Variants in ADGB observed in about 807,000 individuals in gnomAD.
ADGB encodes the protein calpain-7-like protein.
ADGB carries 172 observed loss-of-function variants against 210.5 expected under a neutral mutation model. The observed-to-expected ratio is 0.82, with a 90% CI of 0.72 to 0.93. The LOEUF (loss-of-function observed/expected upper bound fraction) is 0.93, where lower values mean the gene tolerates loss of function less well. Ranked by LOEUF, ADGB falls within the 40% of genes least tolerant of loss-of-function variation. ADGB has a pLI of 0.00. For missense variants in ADGB, 2,025 were observed against 1,964.8 expected, an observed-to-expected ratio of 1.03 and a Z score of -0.58; for synonymous variants, 658 against 662.7, an observed-to-expected ratio of 0.99 and a Z score of 0.11.
intron 27 of ADGB, among the ~76,000 whole-genome samples, chr6:146,753,984 CT>C (rs1777363899): frequency 6.6e-6 from 1 of 151,270 alleles, no homozygotes; most frequent in Non-Finnish European, 1.5e-5. Context: ...GGATTCATTT[CT>C]TTTTAAAAAA....
intron 22 of ADGB, among the ~76,000 whole-genome samples, chr6:146,734,679 G>C (rs939712592): frequency 6.6e-6 from 1 of 152,158 alleles, no homozygotes; most frequent in East Asian, 1.9e-4. Flanking sequence ...GGAGGCTGAG[G>C]GGGGCAGATT....
At chr6:146,661,220 C>CTTTTTTTTTTTTTTTTT (rs5880682) in intron 5 of ADGB, among the ~76,000 whole-genome samples, 26 of 116,040 alleles carry the variant, frequency 2.2e-4, no homozygotes, top group Non-Finnish European at 3.1e-4. Context: ...TTCTTTTTTT[C>CTTTTTTTTTTTTTTTTT]TTTTTTTTTT....
intron 5 of ADGB, among the ~76,000 whole-genome samples, chr6:146,658,474 C>T (rs1400070159): frequency 6.6e-6 from 1 of 152,026 alleles, no homozygotes; most frequent in Non-Finnish European, 1.5e-5. Context: ...TGGTTCCTGT[C>T]CCACATTTGT....
intron 7 of ADGB, among the ~76,000 whole-genome samples, chr6:146,671,941 C>T (rs926252184): frequency 1.3e-5 from 2 of 152,118 alleles, no homozygotes; most frequent in Non-Finnish European, 2.9e-5. Flanking sequence ...CCTGTCCTGG[C>T]TGTTAACGTG....
Position 146,705,592 on chromosome 6 carries a change from T to C in ADGB, c.1707+4522T>C, listed in dbSNP as rs546385272. The stretch of plus-strand genomic sequence containing the variant: ...GGTATATCATACTTGTAGATTTGCA[T>C]ATGTCAAACCATCCTTGCATCTCTG... On this transcript the variant is annotated intron_variant, in intron 13 of 35. Coordinates refer to ENST00000397944, the MANE Select transcript of ADGB (RefSeq NM_024694.4). 3.3e-5 allele frequency among the ~76,000 whole-genome samples: 5 copies of C among 152,310 alleles called. No homozygotes were observed. In the South Asian group the frequency reaches 8.3e-4, roughly 25 times the overall value.
In ADGB at chr6:146,684,834, G is replaced by A. The variant is rs557463984; in HGVS notation, c.1217-900G>A. On this transcript the variant is annotated intron_variant, in intron 9 of 35. Transcript: ENST00000397944. ...GTAGCATAGATAAATGAGTAATGTA[G>A]GGAAAAGGCAATCAATATGTGTTGG... Among the ~76,000 whole-genome samples, 49 of 152,054 alleles carry A rather than the reference G, an allele frequency of 3.2e-4. 1 individual carries two copies. Among genetic ancestry groups the A allele is most frequent in the Admixed American group, 2.9e-3 (44 of 15,234 alleles).
chr6:146,746,966 T>C (rs773355011), intron 26 of ADGB, among the ~76,000 whole-genome samples: 4 of 152,212 alleles, frequency 2.6e-5, no homozygotes, highest in Admixed American at 6.5e-5. Context: ...TAATTTTCAA[T>C]AGTAAACTTT....
chr6:146,682,188 T>C (rs1776167191), intron 9 of ADGB, among the ~76,000 whole-genome samples: 1 of 152,158 alleles, frequency 6.6e-6, no homozygotes, highest in South Asian at 2.1e-4. Context: ...GGCTGAAATT[T>C]TTATAGGTTC....
chr6:146,628,055 T>C (rs1781004129), intron 1 of ADGB, among the ~76,000 whole-genome samples: 1 of 152,170 alleles, frequency 6.6e-6, no homozygotes. Context: ...ATGGAAGTGA[T>C]ATTCCTCAGG....
At chr6:146,746,621 C>T (rs1159256291) in intron 26 of ADGB, among the ~76,000 whole-genome samples, 1 of 152,114 alleles carries the variant, frequency 6.6e-6, no homozygotes, top group Non-Finnish European at 1.5e-5. Context: ...CCCTTTTCTG[C>T]ACTTAATCAG....
chr6:146,803,512 C>T lies in ADGB; in HGVS notation c.4818+1501C>T, dbSNP rs747906872. On this transcript the variant is annotated intron_variant, in intron 35 of 35. Transcript: ENST00000397944. ...TTTCTTTCTGCGATAGATCACTTTA[C>T]GAAGTTTATCTGGGCTTTTCACAGT... is the stretch of plus-strand genomic sequence containing the variant. 2.3e-5 allele frequency: 37 copies of T among 1,598,760 alleles called. 1 individual carries two copies. In the Admixed American group the frequency reaches 5.6e-4, roughly 24 times the overall value.
At chr6:146,617,520 A>C (rs77751215) in intron 1 of ADGB, among the ~76,000 whole-genome samples, 2,949 of 152,138 alleles carry the variant, frequency 0.019, 40 homozygotes, top group Middle Eastern at 0.058. Flanking sequence ...TGTTCCAGAT[A>C]TTAGAGGAAA....
chr6:146,762,044 C>G (rs1275029769), intron 27 of ADGB, among the ~76,000 whole-genome samples: 2 of 152,076 alleles, frequency 1.3e-5, no homozygotes, highest in African/African-American at 4.8e-5. Flanking sequence ...GGATTTAGGG[C>G]TCATCCTAAT....
intron 1 of ADGB, among the ~76,000 whole-genome samples, chr6:146,607,736 A>G (rs770454431): frequency 6.6e-6 from 1 of 152,172 alleles, no homozygotes; most frequent in Non-Finnish European, 1.5e-5. Flanking sequence ...TCCCATGAAT[A>G]ATGCCTACTT....
chr6:146,678,309 C>T (rs1313887373), intron 9 of ADGB, among the ~76,000 whole-genome samples: 2 of 152,200 alleles, frequency 1.3e-5, no homozygotes, highest in Non-Finnish European at 2.9e-5. Context: ...TCACTGCAAT[C>T]TCCACCTCCC....
chr6:146,743,050 T>C (rs2114600755), intron 25 of ADGB, among the ~76,000 whole-genome samples: 1 of 152,318 alleles, frequency 6.6e-6, no homozygotes, highest in Admixed American at 6.5e-5. Context: ...ACTACAGAGC[T>C]AGTTCTTCAC....
rs1402409232 is a variant in ADGB at position 146,752,505 on chromosome 6, T to C, written c.3366-25T>C. 4.8e-6 allele frequency: 4 copies of C among 836,318 alleles called. No homozygotes were observed. In the South Asian group the frequency reaches 5.9e-5, roughly 12 times the overall value. The allele number at this position is 836,318 out of a possible 1,614,324, so 51.8% of individuals were successfully genotyped here. On this transcript the variant is annotated intron_variant, in intron 26 of 35. Coordinates refer to ENST00000397944, the MANE Select transcript of ADGB (RefSeq NM_024694.4). ...AGAGAAAGACCAACATACTTGCTTA[T>C]AATGTTAACTTTTTTTCTTTACAGG...
chr6:146,741,400 C>A, intron 25 of ADGB, 129 bp downstream of exon 25: 1 of 770,774 alleles, frequency 1.3e-6, no homozygotes, highest in Non-Finnish European at 2.0e-6. Context: ...CCTGATCTTT[C>A]ACTATAGAAG....
Position 146,701,066 on chromosome 6 carries a change from C to T in ADGB, c.1703C>T (p.Ser568Phe). 6.5e-7 allele frequency: 1 copy of T among 1,550,020 alleles called. No individual in the cohort carries two copies. Among genetic ancestry groups the T allele is most frequent in the Non-Finnish European group, 8.7e-7 (1 of 1,146,198 alleles). Residue 568 changes from serine to phenylalanine, a missense_variant, in exon 13 of 36, where the codon TCT becomes TTT. By Grantham distance (155) the Ser-to-Phe change is radical. Coordinates refer to ENST00000397944, the MANE Select transcript of ADGB (RefSeq NM_024694.4). The part of the protein sequence containing the change: ...TDLSQITKAT[S>F]QGNTASQVIL... ...TTGAGTCAAATAACAAAAGCTACAT[C>T]TCAGGTGACTATGTTACTCTTACTG...
Sources: allele counts gnomAD v4.1 joint callset (sites outside exome capture counted in the v4.1 genomes callset), GRCh38; gene constraint gnomAD v4.1.1; transcripts MANE v1.5; gene names NCBI Gene and HGNC (gene_info 2026-07-23, HGNC 2026-07-21).